Variants in SLC24A2 observed in about 807,000 individuals in gnomAD.
SLC24A2 encodes solute carrier family 24 member 2, also known as sodium/potassium/calcium exchanger 2.
In SLC24A2, 36 loss-of-function variants were observed where a neutral mutation model predicts 62.0. That is an observed-to-expected ratio of 0.58 (90% CI 0.44 to 0.77). The LOEUF (loss-of-function observed/expected upper bound fraction) is 0.77. SLC24A2 is among the 30% of genes least tolerant of loss of function. The pLI, the probability that SLC24A2 is intolerant of heterozygous loss-of-function variation, is 0.00. For synonymous variants in SLC24A2, 358 were observed against 294.0 expected, an observed-to-expected ratio of 1.22 and a Z score of -2.23; for missense variants, 846 against 817.9, an observed-to-expected ratio of 1.03 and a Z score of -0.42.
the SLC24A2 span, among the ~76,000 whole-genome samples, chr9:19,886,102 T>C: frequency 6.6e-6 from 1 of 152,182 alleles, no homozygotes; most frequent in East Asian, 1.9e-4. Context: ...ATATTCCTTT[T>C]GGTATAGACC....
At chr9:19,644,432 T>G (rs895425372) in intron 2 of SLC24A2, among the ~76,000 whole-genome samples, 7 of 152,286 alleles carry the variant, frequency 4.6e-5, no homozygotes, top group Admixed American at 1.3e-4. Flanking sequence ...AGTAAACCTA[T>G]GAGATCAGTT....
At chr9:19,853,735 A>T in the SLC24A2 span, among the ~76,000 whole-genome samples, 1 of 152,150 alleles carries the variant, frequency 6.6e-6, no homozygotes, top group Non-Finnish European at 1.5e-5. Flanking sequence ...AGATTTTTGC[A>T]CCGATGTTCA....
the SLC24A2 span, among the ~76,000 whole-genome samples, chr9:20,177,246 A>G: frequency 2.0e-5 from 3 of 151,872 alleles, no homozygotes; most frequent in Non-Finnish European, 2.9e-5. Context: ...TTTCAAAAGT[A>G]AAAAAAAGGC....
At chr9:20,050,671 G>A in the SLC24A2 span, among the ~76,000 whole-genome samples, 1 of 152,220 alleles carries the variant, frequency 6.6e-6, no homozygotes, top group South Asian at 2.1e-4. Flanking sequence ...GATAGGTGAA[G>A]AAACTCAATG....
At chr9:20,026,163 C>T in the SLC24A2 span, among the ~76,000 whole-genome samples, 29 of 152,032 alleles carry the variant, frequency 1.9e-4, no homozygotes, top group Admixed American at 1.3e-3. Context: ...GTTAAAAATG[C>T]AACTGTCTAC....
chr9:19,547,660 G>C (rs536224949), intron 8 of SLC24A2, among the ~76,000 whole-genome samples: 2 of 151,622 alleles, frequency 1.3e-5, no homozygotes, highest in South Asian at 4.2e-4. Context: ...ATCTTCCTGA[G>C]TGCCTCAATG....
At chr9:20,177,068 T>G in the SLC24A2 span, among the ~76,000 whole-genome samples, 1 of 152,180 alleles carries the variant, frequency 6.6e-6, no homozygotes, top group Non-Finnish European at 1.5e-5. Context: ...ATGGTTATTT[T>G]GACCATAGGT....
intron 7 of SLC24A2, among the ~76,000 whole-genome samples, chr9:19,572,651 A>G (rs1303383746): frequency 6.6e-6 from 1 of 152,224 alleles, no homozygotes; most frequent in Non-Finnish European, 1.5e-5. Context: ...CTATAAGTCA[A>G]TTAAACCTCT....
At chr9:19,787,735 TA>T (rs201687545) in intron 1 of SLC24A2, among the ~76,000 whole-genome samples, 1 of 152,052 alleles carries the variant, frequency 6.6e-6, no homozygotes, top group Non-Finnish European at 1.5e-5. Context: ...ATATTTTTTT[TA>T]AAAAAACAAC....
chr9:19,992,657 C>A, the SLC24A2 span, among the ~76,000 whole-genome samples: 5 of 152,318 alleles, frequency 3.3e-5, no homozygotes, highest in East Asian at 5.8e-4. Flanking sequence ...TTAAATTCAT[C>A]TCAGTTGACT....
rs866281663 is a variant in SLC24A2 at position 19,788,621 on chromosome 9, C to G, written c.-154+264G>C. 9.1e-5 allele frequency: 90 copies of G among 985,478 alleles called. No homozygotes were observed. In the African/African-American group the frequency reaches 1.5e-3, roughly 17 times the overall value. 61.0% of individuals were successfully genotyped at this position (985,478 alleles called of 1,614,324 possible). A position where few individuals can be genotyped will look rare whatever the true frequency, so the allele number is the denominator to read the frequency against. On this transcript the variant is annotated intron_variant, in intron 1 of 10. Coordinates refer to ENST00000341998, the MANE Select transcript of SLC24A2 (RefSeq NM_020344.4). ...TAGGTGGCTGGGGAATGGAAGCGCC[C>G]CTCTGCGCGTCTCCCCCGACGGCAG...
the SLC24A2 span, among the ~76,000 whole-genome samples, chr9:20,164,877 C>T: frequency 7.1e-4 from 107 of 150,826 alleles, 2 homozygotes; most frequent in South Asian, 0.02. Flanking sequence ...AGTAAACTAT[C>T]GCAAGAACAA....
intron 2 of SLC24A2, among the ~76,000 whole-genome samples, chr9:19,692,142 T>C (rs572455995): frequency 9.2e-5 from 14 of 152,318 alleles, no homozygotes; most frequent in African/African-American, 3.4e-4. Context: ...ATGTCATAGA[T>C]GAATGGCAAT....
intron 2 of SLC24A2, among the ~76,000 whole-genome samples, chr9:19,715,987 A>C (rs1820849424): frequency 6.6e-6 from 1 of 152,188 alleles, no homozygotes; most frequent in South Asian, 2.1e-4. Flanking sequence ...CATTCAGCTA[A>C]TCATGGCAGC....
At chr9:20,179,086 C>T in the SLC24A2 span, among the ~76,000 whole-genome samples, 2 of 152,104 alleles carry the variant, frequency 1.3e-5, no homozygotes, top group African/African-American at 4.8e-5. Flanking sequence ...CCCTCTATCC[C>T]CTCATTTCCC....
intron 2 of SLC24A2, among the ~76,000 whole-genome samples, chr9:19,773,333 G>A (rs1009530825): frequency 6.6e-6 from 1 of 152,136 alleles, no homozygotes; most frequent in Admixed American, 6.5e-5. Flanking sequence ...CAGAAAAGCT[G>A]TTATTAAAAA....
chr9:20,167,553 A>G, the SLC24A2 span, among the ~76,000 whole-genome samples: 1 of 152,056 alleles, frequency 6.6e-6, no homozygotes, highest in African/African-American at 2.4e-5. Context: ...GAGCACACCT[A>G]GCACCCAAAT....
chr9:20,222,506 T>C, the SLC24A2 span, among the ~76,000 whole-genome samples: 1 of 152,112 alleles, frequency 6.6e-6, no homozygotes, highest in Non-Finnish European at 1.5e-5. Context: ...AATATCCAAC[T>C]AATTTTATAT....
At chr9:19,725,089 T>C (rs1821132669) in intron 2 of SLC24A2, among the ~76,000 whole-genome samples, 2 of 152,140 alleles carry the variant, frequency 1.3e-5, no homozygotes, top group African/African-American at 4.8e-5. Context: ...TGGGGTAATT[T>C]TGTACCCCTA....
Sources: allele counts gnomAD v4.1 joint callset (sites outside exome capture counted in the v4.1 genomes callset), GRCh38; gene constraint gnomAD v4.1.1; transcripts MANE v1.5; gene names NCBI Gene and HGNC (gene_info 2026-07-23, HGNC 2026-07-21).